Variants in AKAP13 observed in about 807,000 individuals in gnomAD.
AKAP13 encodes the protein A-kinase anchoring protein 13.
A neutral mutation model predicts 264.5 loss-of-function variants in AKAP13; 80 were observed. The ratio of observed to expected loss-of-function variants is 0.30; its 90% CI spans 0.25 to 0.36. AKAP13 has a LOEUF of 0.36. Ranked by LOEUF, AKAP13 falls within the 10% of genes least tolerant of loss-of-function variation. AKAP13 has a pLI of 1.00. For synonymous variants in AKAP13, 1,380 were observed against 1,250.2 expected (o/e 1.10, Z -2.19); for missense variants, 3,712 against 3,435.2 (o/e 1.08, Z -2.01).
chr15:85,535,132 G>A (rs956713292), intron 4 of AKAP13: 4 of 152,226 alleles, frequency 2.6e-5, no homozygotes, highest in Admixed American at 2.6e-4. Context: ...CAGACCACAA[G>A]TCACTCTCCC....
chr15:85,632,419 A>G (rs1448971488), intron 8 of AKAP13, among the ~76,000 whole-genome samples: 1 of 152,180 alleles, frequency 6.6e-6, no homozygotes, highest in African/African-American at 2.4e-5. Flanking sequence ...GACAGAAACA[A>G]ACCTGCCCTT....
chr15:85,537,989 C>A (rs2077455951), intron 4 of AKAP13, among the ~76,000 whole-genome samples: 1 of 152,100 alleles, frequency 6.6e-6, no homozygotes, highest in East Asian at 1.9e-4. Context: ...CACAGTTCTG[C>A]CTTAAATGCA....
chr15:85,413,394 TGTC>T (rs377082519), intron 1 of AKAP13, among the ~76,000 whole-genome samples: 411 of 152,302 alleles, frequency 2.7e-3, no homozygotes, highest in Non-Finnish European at 4.1e-3. Flanking sequence ...GTAGTTCAGT[TGTC>T]GTTGCTTATG....
At chr15:85,671,953 A>G (rs1597001669) in intron 14 of AKAP13, among the ~76,000 whole-genome samples, 1 of 152,154 alleles carries the variant, frequency 6.6e-6, no homozygotes, top group African/African-American at 2.4e-5. Flanking sequence ...GAAACACTTC[A>G]TTATTTTTCC....
intron 2 of AKAP13, among the ~76,000 whole-genome samples, chr15:85,517,346 C>T (rs1366971376): frequency 7.4e-6 from 1 of 134,900 alleles, no homozygotes; most frequent in East Asian, 2.0e-4. Flanking sequence ...CCTTTCCCAT[C>T]ACACTTTTTT....
At chr15:85,702,286 G>T (rs964491770) in intron 17 of AKAP13, 1 of 151,910 alleles carries the variant, frequency 6.6e-6, no homozygotes. Context: ...GAGTGAAAAG[G>T]ATTGAAAGCA....
chr15:85,685,490 C>CTG (rs34565043), intron 16 of AKAP13: 14,091 of 134,192 alleles, frequency 0.11, 928 homozygotes, highest in East Asian at 0.39. Flanking sequence ...GTGTGTGTGT[C>CTG]TGTGTGTGTG....
chr15:85,396,265 T>C (rs1378479166), intron 1 of AKAP13, among the ~76,000 whole-genome samples: 1 of 152,244 alleles, frequency 6.6e-6, no homozygotes, highest in Non-Finnish European at 1.5e-5. Context: ...TCTTGCCTGA[T>C]GGTTGTGCTT....
At chr15:85,513,062 C>G (rs2076495574) in intron 2 of AKAP13, among the ~76,000 whole-genome samples, 1 of 152,168 alleles carries the variant, frequency 6.6e-6, no homozygotes, top group Non-Finnish European at 1.5e-5. Flanking sequence ...GCCTCAGCCT[C>G]CCAAAGTGCT....
chr15:85,746,851 C>T lies in AKAP13; in HGVS notation c.*2174C>T, dbSNP rs572408325. The stretch of plus-strand genomic sequence containing the variant: ...CCTTGTAAATGTAGGCCGGGTGCCC[C>T]TGTTCTCCGGGTTTGGAACAATACG... On this transcript the variant is annotated 3_prime_UTR_variant, in exon 37 of 37. Coordinates refer to ENST00000394518, the MANE Select transcript of AKAP13 (RefSeq NM_007200.5). 5 of 152,286 alleles carry T rather than the reference C, an allele frequency of 3.3e-5. No homozygotes were observed. In the South Asian group the frequency reaches 1.0e-3, roughly 32 times the overall value. 9.4% of individuals were successfully genotyped at this position (152,286 alleles called of 1,614,324 possible). A position where few individuals can be genotyped will look rare whatever the true frequency, so the allele number is the denominator to read the frequency against.
At chr15:85,450,434 T>A (rs947012209) in intron 1 of AKAP13, among the ~76,000 whole-genome samples, 2 of 152,202 alleles carry the variant, frequency 1.3e-5, no homozygotes, top group Non-Finnish European at 2.9e-5. Context: ...CTTCTCTAAT[T>A]CTTTCAGTTG....
intron 1 of AKAP13, chr15:85,415,095 A>G: frequency 1.6e-6 from 1 of 617,792 alleles, no homozygotes; most frequent in East Asian, 2.8e-5. Context: ...GAAAATTCAT[A>G]ATTTTTCTAT....
chr15:85,682,763 G>C (rs1430824093), intron 15 of AKAP13, among the ~76,000 whole-genome samples: 1 of 152,072 alleles, frequency 6.6e-6, no homozygotes, highest in Non-Finnish European at 1.5e-5. Flanking sequence ...TGCCTCCCAG[G>C]TTCAAGCCAT....
At chr15:85,493,758 C>T (rs2075798267) in intron 2 of AKAP13, among the ~76,000 whole-genome samples, 1 of 152,166 alleles carries the variant, frequency 6.6e-6, no homozygotes, top group Non-Finnish European at 1.5e-5. Context: ...GCTCTCCTCA[C>T]TGTCAAGATA....
chr15:85,400,866 ATATATATATTT>A (rs1286885373), intron 1 of AKAP13, among the ~76,000 whole-genome samples: 1 of 61,322 alleles, frequency 1.6e-5, no homozygotes, highest in Admixed American at 1.6e-4. Context: ...ATGTATATAT[ATATATATATTT>A]TTTTTTTTTA....
In AKAP13 at chr15:85,718,287, A is replaced by T. The variant is rs1278264495; in HGVS notation, c.6001+128A>T. 1.8e-6 allele frequency: 2 copies of T among 1,136,994 alleles called. No homozygotes were observed. The highest frequency in any genetic ancestry group is 3.1e-5 in the South Asian group (2 of 64,174). 70.4% of individuals were successfully genotyped at this position (1,136,994 alleles called of 1,614,324 possible). A position where few individuals can be genotyped will look rare whatever the true frequency, so the allele number is the denominator to read the frequency against. ...CTTCTTGAAAAGATTTCCTTTAAAA[A>T]CTTTAAGGTACAGAGACGTGGTCCT... On this transcript the variant is annotated intron_variant, in intron 22 of 36. Transcript: ENST00000394518. The surrounding 1 kb of genome is among the most constrained non-coding windows in gnomAD (Gnocchi z 4.9).
intron 1 of AKAP13, among the ~76,000 whole-genome samples, chr15:85,428,358 C>T (rs982937900): frequency 3.9e-5 from 6 of 152,210 alleles, no homozygotes; most frequent in Non-Finnish European, 7.3e-5. Flanking sequence ...CGCCACCACA[C>T]CTGGCTAATT....
intron 17 of AKAP13, among the ~76,000 whole-genome samples, chr15:85,704,746 A>C (rs1035674421): frequency 6.6e-6 from 1 of 152,362 alleles, no homozygotes; most frequent in South Asian, 2.1e-4. Context: ...TCTTCATAAC[A>C]ACATGGTATG....
chr15:85,741,918 G>A (rs900407137), intron 35 of AKAP13, among the ~76,000 whole-genome samples: 2 of 151,928 alleles, frequency 1.3e-5, no homozygotes, highest in African/African-American at 2.4e-5. Context: ...GGTGGCAGGC[G>A]CCTATAATCC....
Sources: gnomAD v4.1 joint callset for allele counts (sites outside exome capture counted in the v4.1 genomes callset) on GRCh38, gnomAD v4.1.1 for gene constraint, Gnocchi (gnomAD v3.1) non-coding constraint, MANE v1.5 for transcripts, NCBI Gene and HGNC (gene_info 2026-07-23, HGNC 2026-07-21) for gene names.